Variants in DCAF6 observed in about 807,000 individuals in gnomAD.
DCAF6 encodes DDB1 and CUL4 associated factor 6.
In DCAF6, 54 loss-of-function variants were observed where a neutral mutation model predicts 125.1. The observed-to-expected ratio is 0.43, with a 90% CI of 0.35 to 0.54. The LOEUF is 0.54. DCAF6 is among the 20% of genes least tolerant of loss of function. The probability of loss-of-function intolerance (pLI) is 0.01; values close to 1 mark genes in which losing one functional copy is unlikely to be tolerated. For missense variants in DCAF6, 934 were observed against 1,161.7 expected (o/e 0.80, Z 2.85); for synonymous variants, 371 against 390.4 (o/e 0.95, Z 0.58).
the DCAF6 span, chr1:167,870,144 A>G: frequency 1.7e-6 from 2 of 1,204,748 alleles, no homozygotes; most frequent in Non-Finnish European, 2.4e-6. Flanking sequence ...ATGGCATCCA[A>G]TAATTGTAGG....
chr1:168,035,220 C>T (rs552090260), intron 12 of DCAF6, among the ~76,000 whole-genome samples: 2 of 152,238 alleles, frequency 1.3e-5, no homozygotes, highest in East Asian at 3.9e-4. Flanking sequence ...CCAAGGCAGA[C>T]GGATTGCTTG....
intron 2 of DCAF6, among the ~76,000 whole-genome samples, chr1:167,960,367 C>T (rs1167933543): frequency 1.3e-5 from 2 of 152,052 alleles, no homozygotes; most frequent in African/African-American, 2.4e-5. Context: ...GGCGCGATCT[C>T]AGCTCACGGC....
intron 2 of DCAF6, among the ~76,000 whole-genome samples, chr1:167,955,179 C>T (rs1674585358): frequency 6.6e-6 from 1 of 152,168 alleles, no homozygotes; most frequent in African/African-American, 2.4e-5. Context: ...GTTCACCTGT[C>T]AGTGGACATT....
At chr1:168,058,889 GGTT>G (rs1227058586) in intron 17 of DCAF6, among the ~76,000 whole-genome samples, 3 of 151,914 alleles carry the variant, frequency 2.0e-5, no homozygotes, top group African/African-American at 7.3e-5. Context: ...TTTTCTACTG[GGTT>G]GTTTTAATTG....
chr1:168,004,036 A>C, intron 9 of DCAF6, 47 bp downstream of exon 9: 3 of 1,592,138 alleles, frequency 1.9e-6, no homozygotes, highest in Non-Finnish European at 2.6e-6. Flanking sequence ...GGCAAAAACT[A>C]CTTATTGAAG....
chr1:168,072,768 G>GT (rs1186386871), intron 21 of DCAF6, among the ~76,000 whole-genome samples: 2 of 152,058 alleles, frequency 1.3e-5, no homozygotes, highest in African/African-American at 2.4e-5. Flanking sequence ...AAACAACAGT[G>GT]TTTTTTGTGA....
chr1:167,923,877 T>A, the DCAF6 span, among the ~76,000 whole-genome samples: 1 of 152,162 alleles, frequency 6.6e-6, no homozygotes, highest in Non-Finnish European at 1.5e-5. Context: ...TCCAGAGAGA[T>A]GACACTTTGA....
chr1:167,970,929 A>G (rs1482910153), intron 3 of DCAF6, among the ~76,000 whole-genome samples: 10 of 152,136 alleles, frequency 6.6e-5, no homozygotes, highest in African/African-American at 2.2e-4. Flanking sequence ...GAGTCCCATT[A>G]GGGTACCCTA....
chr1:167,922,576 C>A, the DCAF6 span, among the ~76,000 whole-genome samples: 1 of 151,718 alleles, frequency 6.6e-6, no homozygotes, highest in Non-Finnish European at 1.5e-5. Context: ...GTTTTAGGAT[C>A]TTTTCTCAAT....
the DCAF6 span, among the ~76,000 whole-genome samples, chr1:167,887,636 T>C: frequency 6.6e-6 from 1 of 152,048 alleles, no homozygotes; most frequent in East Asian, 1.9e-4. Flanking sequence ...ATGGGACATG[T>C]ATACATAACG....
chr1:167,908,144 C>T, the DCAF6 span, among the ~76,000 whole-genome samples: 1 of 152,148 alleles, frequency 6.6e-6, no homozygotes. Flanking sequence ...AGATATGGAA[C>T]CAACCTAATT....
intron 1 of DCAF6, among the ~76,000 whole-genome samples, chr1:167,944,088 C>T (rs924917498): frequency 8.5e-5 from 13 of 152,272 alleles, no homozygotes; most frequent in Admixed American, 3.3e-4. Context: ...GTGATCTGCC[C>T]GCCTCGGCCT....
At chr1:167,925,155 T>A in the DCAF6 span, among the ~76,000 whole-genome samples, 2 of 152,200 alleles carry the variant, frequency 1.3e-5, no homozygotes, top group African/African-American at 4.8e-5. Context: ...GAATTCACAG[T>A]ATTCTTACAG....
chr1:167,986,905 T>C (rs576167292), intron 4 of DCAF6, among the ~76,000 whole-genome samples: 1 of 152,356 alleles, frequency 6.6e-6, no homozygotes, highest in Middle Eastern at 3.4e-3. Flanking sequence ...TAAAATATTG[T>C]ACTTCATTAA....
chr1:167,910,872 A>C, the DCAF6 span, among the ~76,000 whole-genome samples: 1,569 of 152,302 alleles, frequency 0.01, 34 homozygotes, highest in African/African-American at 0.036. Flanking sequence ...AGACTGAGCT[A>C]ATGAAAACAG....
chr1:167,993,535 C>T lies in DCAF6; in HGVS notation c.903+95C>T, dbSNP rs913403475. 2.0e-5 allele frequency: 20 copies of T among 980,292 alleles called. No individual in the cohort carries two copies. In the East Asian group the frequency reaches 3.7e-4, roughly 18 times the overall value. 60.7% of individuals were successfully genotyped at this position (980,292 alleles called of 1,614,324 possible). ...GAGGCCGAGGTGGGTGGATCACCTG[C>T]GGTTGGGAGTTTGCAACCAGCCTGA... On this transcript the variant is annotated intron_variant, in intron 7 of 21. Coordinates refer to ENST00000367840, the MANE Select transcript of DCAF6 (RefSeq NM_001198956.2).
intron 16 of DCAF6, among the ~76,000 whole-genome samples, chr1:168,048,596 T>G (rs1230653834): frequency 6.6e-6 from 1 of 152,162 alleles, no homozygotes; most frequent in Non-Finnish European, 1.5e-5. Context: ...AGGAAATGTC[T>G]TAGAAAATGA....
the DCAF6 span, among the ~76,000 whole-genome samples, chr1:167,889,132 A>C: frequency 1.1e-3 from 173 of 152,198 alleles, no homozygotes; most frequent in Non-Finnish European, 2.2e-3. Flanking sequence ...ACAGTGGTAA[A>C]GTGGGCATCC....
At chr1:168,044,548 G>A (rs1206333093) in intron 14 of DCAF6, 37 bp from the exon 15 acceptor site, 1 of 1,466,468 alleles carries the variant, frequency 6.8e-7, no homozygotes, top group Non-Finnish European at 9.5e-7. Flanking sequence ...ATCCCTCATG[G>A]ATACCAAGGG....
Sources: allele counts gnomAD v4.1 joint callset (sites outside exome capture counted in the v4.1 genomes callset), GRCh38; gene constraint gnomAD v4.1.1; transcripts MANE v1.5; gene names NCBI Gene and HGNC (gene_info 2026-07-23, HGNC 2026-07-21).